MACROD2: variants seen among roughly 807,000 people sequenced by gnomAD.
The protein encoded by MACROD2 is mono-ADP ribosylhydrolase 2, also known as ADP-ribose glycohydrolase MACROD2.
In MACROD2, 36 loss-of-function variants were observed where a neutral mutation model predicts 70.4. The ratio of observed to expected loss-of-function variants is 0.51; its 90% confidence interval spans 0.39 to 0.68. The LOEUF is 0.68. MACROD2 is among the 30% of genes least tolerant of loss of function. The pLI is 0.00. For synonymous variants in MACROD2, 172 were observed against 178.8 expected (o/e 0.96, Z 0.30); for missense variants, 496 against 538.4 (o/e 0.92, Z 0.78).
At chr20:15,684,545 T>C (rs6043440) in intron 8 of MACROD2, among the ~76,000 whole-genome samples, 19,865 of 152,198 alleles carry the variant, frequency 0.13, 1,705 homozygotes, top group East Asian at 0.33. Flanking sequence ...TCATTTAAAA[T>C]GGACATTTAT....
chr20:15,606,307 C>T (rs1442739729), intron 8 of MACROD2, among the ~76,000 whole-genome samples: 4 of 152,192 alleles, frequency 2.6e-5, no homozygotes, highest in East Asian at 1.9e-4. Context: ...CTGATTCAGA[C>T]GCTAGGCTTC....
chr20:14,288,037 C>A (rs1279315115), intron 3 of MACROD2, among the ~76,000 whole-genome samples: 1 of 151,680 alleles, frequency 6.6e-6, no homozygotes, highest in East Asian at 1.9e-4. Flanking sequence ...TAGGTCCCAC[C>A]CCTACTTAAG....
chr20:14,604,283 G>A lies in MACROD2; in HGVS notation c.302-80560G>A, dbSNP rs75124965. Among the ~76,000 whole-genome samples the A allele has an allele frequency of 1.6e-3, 239 of 152,260 alleles. 6 individuals carry two copies. The East Asian group carries it at 0.037, about 24-fold the overall frequency. On this transcript the variant is annotated intron_variant, in intron 4 of 17. Coordinates refer to ENST00000684519, the MANE Select transcript of MACROD2 (RefSeq NM_001351661.2). ...CAAGCAGAGAGCAAATTTCACTTGA[G>A]CCATTGGCTCCTACTATTGCTTCCA...
chr20:15,955,888 A>C (rs1264681892), intron 12 of MACROD2, among the ~76,000 whole-genome samples: 3 of 152,198 alleles, frequency 2.0e-5, no homozygotes, highest in African/African-American at 7.2e-5. Flanking sequence ...TCTGTGCAGC[A>C]AACCACCATG....
chr20:15,353,352 T>A (rs1170626051), intron 6 of MACROD2, among the ~76,000 whole-genome samples: 2 of 152,088 alleles, frequency 1.3e-5, no homozygotes, highest in African/African-American at 4.8e-5. Flanking sequence ...AAAAATTAAT[T>A]CCAGATGGAT....
chr20:14,700,639 T>C (rs1342387018), intron 5 of MACROD2, among the ~76,000 whole-genome samples: 2 of 152,030 alleles, frequency 1.3e-5, no homozygotes, highest in Non-Finnish European at 2.9e-5. Context: ...TTTATTTTAT[T>C]CCATTCTATC....
chr20:15,555,828 CAAAAA>C (rs397838341), intron 8 of MACROD2, among the ~76,000 whole-genome samples: 2 of 18,566 alleles, frequency 1.1e-4, no homozygotes, highest in African/African-American at 1.7e-4. Context: ...GACTCCATCT[CAAAAA>C]AAAAAAAAAA....
At chr20:15,254,936 T>A (rs1300788712) in intron 6 of MACROD2, among the ~76,000 whole-genome samples, 1 of 144,878 alleles carries the variant, frequency 6.9e-6, no homozygotes, top group African/African-American at 2.5e-5. Context: ...CACCTTTTTT[T>A]TTTTTTTTTT....
chr20:15,223,025 A>G (rs1403236353), intron 5 of MACROD2, among the ~76,000 whole-genome samples: 1 of 152,186 alleles, frequency 6.6e-6, no homozygotes, highest in Non-Finnish European at 1.5e-5. Flanking sequence ...TATAATTCAG[A>G]CTAATTTCCC....
At chr20:14,610,156 C>T (rs907908806) in intron 4 of MACROD2, among the ~76,000 whole-genome samples, 1 of 152,174 alleles carries the variant, frequency 6.6e-6, no homozygotes, top group South Asian at 2.1e-4. Context: ...ACTAACTTGA[C>T]AAAATGGGTC....
chr20:14,480,521 T>G (rs2084651167), intron 3 of MACROD2, among the ~76,000 whole-genome samples: 1 of 152,170 alleles, frequency 6.6e-6, no homozygotes, highest in Non-Finnish European at 1.5e-5. Context: ...TAAGTATTAT[T>G]TAGTTATCCT....
At chr20:15,635,173 G>C (rs574658294) in intron 8 of MACROD2, among the ~76,000 whole-genome samples, 1 of 152,316 alleles carries the variant, frequency 6.6e-6, no homozygotes, top group South Asian at 2.1e-4. Context: ...CCAGGTTTCT[G>C]TTTCCTGCAG....
At chr20:15,917,677 C>G (rs6135600) in intron 10 of MACROD2, among the ~76,000 whole-genome samples, 6,073 of 152,196 alleles carry the variant, frequency 0.04, 281 homozygotes, top group East Asian at 0.24. Context: ...TTCTGTGTGT[C>G]TTTATCAGCA....
Position 14,241,889 on chromosome 20 carries a change from A to G in MACROD2, c.271+156161A>G, listed in dbSNP as rs79879295. ...CATAAGCTTTAATGGAGACCACCCA[A>G]TTGGTTCCTTCAGAAAATGTATGTT... is the stretch of plus-strand genomic sequence containing the variant. On this transcript the variant is annotated intron_variant, in intron 3 of 17. Transcript: ENST00000684519. Among the ~76,000 whole-genome samples, 492 of 152,328 alleles carry G rather than the reference A, an allele frequency of 3.2e-3. 4 individuals are homozygous for G. Among genetic ancestry groups the G allele is most frequent in the African/African-American group, 0.011 (464 of 41,578 alleles).
intron 5 of MACROD2, among the ~76,000 whole-genome samples, chr20:14,789,044 C>T (rs1179424772): frequency 1.3e-5 from 2 of 152,058 alleles, no homozygotes; most frequent in South Asian, 2.1e-4. Context: ...TCTGGGATTA[C>T]AGGCATGAGC....
At chr20:14,838,707 C>T (rs1179751744) in intron 5 of MACROD2, among the ~76,000 whole-genome samples, 1 of 152,118 alleles carries the variant, frequency 6.6e-6, no homozygotes, top group Non-Finnish European at 1.5e-5. Context: ...ACATGATACA[C>T]TGAAGTGTGT....
chr20:15,662,715 GTTT>G, intron 8 of MACROD2, among the ~76,000 whole-genome samples: 1 of 146,896 alleles, frequency 6.8e-6, no homozygotes, highest in East Asian at 2.0e-4. Context: ...CTCAGAGAGG[GTTT>G]TTTTTTTTTC....
chr20:15,107,898 A>G (rs1023432973), intron 5 of MACROD2, among the ~76,000 whole-genome samples: 4 of 152,250 alleles, frequency 2.6e-5, no homozygotes, highest in African/African-American at 9.6e-5. Context: ...GACATGGACT[A>G]ATTGGTGCCC....
chr20:15,143,146 C>T (rs191618780), intron 5 of MACROD2, among the ~76,000 whole-genome samples: 30,067 of 151,764 alleles, frequency 0.2, 4,079 homozygotes, highest in Non-Finnish European at 0.3. Context: ...AAAGTGTTCC[C>T]ACTTCTCCAC....
Sources: gnomAD v4.1 joint callset for allele counts (sites outside exome capture counted in the v4.1 genomes callset) on GRCh38, gnomAD v4.1.1 for gene constraint, MANE v1.5 for transcripts, NCBI Gene and HGNC (gene_info 2026-07-23, HGNC 2026-07-21) for gene names.